The following MON1A variants were observed in gnomAD, a reference collection of about 807,000 sequenced individuals.
MON1A encodes MON1 vesicular trafficking associated A, also known as vacuolar fusion protein MON1 homolog A.
MON1A carries 29 observed loss-of-function variants against 44.6 expected under a neutral mutation model. The observed-to-expected ratio is 0.65, with a 90% CI of 0.48 to 0.89. The LOEUF is 0.89. Among genes scored for constraint, MON1A ranks in the 40% least tolerant of loss-of-function variants. MON1A has a pLI of 0.00. For missense variants in MON1A, 615 were observed against 759.6 expected (o/e 0.81, Z 2.24); for synonymous variants, 275 against 316.4 (o/e 0.87, Z 1.39).
Position 49,910,627 on chromosome 3 carries a change from C to G in MON1A, c.871G>C (p.Gly291Arg), listed in dbSNP as rs1195106404. The change falls in exon 4 of 6, where the codon GGG becomes CGG. Residue 291 changes from glycine to arginine, a missense_variant. By Grantham distance (125) the Gly-to-Arg change is moderately radical. Coordinates refer to ENST00000296473, the MANE Select transcript of MON1A (RefSeq NM_032355.4). This position sits in a 1 kb window ranked among gnomAD's most constrained non-coding sequence, Gnocchi z 8.0. ...GCCAGGGGCAGGCACCGTGCCGCCC[C>G]CATCAGGAAGCTGGGGTCTCGTGCC... ...LMARDPSFLMGAARCLPLAAA... is the reference protein window; with the variant it reads ...LMARDPSFLMRAARCLPLAAA... The G allele has an allele frequency of 2.5e-6, 4 of 1,603,198 alleles. No homozygotes were observed. Among genetic ancestry groups the G allele is most frequent in the Non-Finnish European group, 3.4e-6 (4 of 1,173,630 alleles).
intron 1 of MON1A, among the ~76,000 whole-genome samples, chr3:49,920,900 G>A (rs1301572391): frequency 1.3e-5 from 2 of 151,696 alleles, no homozygotes; most frequent in Admixed American, 6.6e-5. Context: ...GCTTACACCT[G>A]TAATCCTAGC....
At chr3:49,916,004 G>A (rs1266302124) in intron 1 of MON1A, 1 of 152,230 alleles carries the variant, frequency 6.6e-6, no homozygotes, top group African/African-American at 2.4e-5. Flanking sequence ...TAAGAAAGAG[G>A]GATCTAGCTG....
At chr3:49,926,019 T>C (rs978513709) in intron 1 of MON1A, among the ~76,000 whole-genome samples, 1 of 152,126 alleles carries the variant, frequency 6.6e-6, no homozygotes, top group Admixed American at 6.6e-5. Context: ...GGTCATGCAG[T>C]TCCTCTGCTC....
chr3:49,909,664 G>A lies in MON1A; in HGVS notation c.1380-264C>T, dbSNP rs1295145644. Reference sequence around the variant, plus strand: ...CCCCTCTTTGGAGAGGCCAGGTTGAGTTTAGATGTCCAAGACAGAGTGACA... The same window carrying A: ...CCCCTCTTTGGAGAGGCCAGGTTGAATTTAGATGTCCAAGACAGAGTGACA... On this transcript the variant is annotated intron_variant, in intron 4 of 5. Coordinates refer to ENST00000296473, the MANE Select transcript of MON1A (RefSeq NM_032355.4). The surrounding 1 kb of genome is among the most constrained non-coding windows in gnomAD (Gnocchi z 4.0). 8 of 488,194 alleles carry A rather than the reference G, an allele frequency of 1.6e-5. No individual in the cohort carries two copies. The highest frequency in any genetic ancestry group is 2.9e-5 in the Non-Finnish European group (8 of 273,762). The allele number at this position is 488,194 out of a possible 1,614,324, so 30.2% of individuals were successfully genotyped here.
At chr3:49,925,229 C>T (rs2083043466) in intron 1 of MON1A, among the ~76,000 whole-genome samples, 1 of 152,136 alleles carries the variant, frequency 6.6e-6, no homozygotes, top group Non-Finnish European at 1.5e-5. Context: ...ATCCTCCCAC[C>T]TCAGCCTCCC....
Position 49,911,448 on chromosome 3 carries a change from G to A in MON1A, c.613+78C>T. ...TCACACAGCACATCCCAGCCCTCTG[G>A]TCTGCAGGGGTCCAAAACCTGCTAT... On this transcript the variant is annotated intron_variant, in intron 3 of 5. Coordinates refer to ENST00000296473, the MANE Select transcript of MON1A (RefSeq NM_032355.4). This position sits in a 1 kb window ranked among gnomAD's most constrained non-coding sequence, Gnocchi z 5.7. 1 of 1,528,854 alleles carries A rather than the reference G, an allele frequency of 6.5e-7. No individual in the cohort carries two copies. The highest frequency in any genetic ancestry group is 8.8e-7 in the Non-Finnish European group (1 of 1,140,444). The allele number at this position is 1,528,854 out of a possible 1,614,324, so 94.7% of individuals were successfully genotyped here.
At chr3:49,914,884 T>G (rs1189200299) in intron 1 of MON1A, among the ~76,000 whole-genome samples, 1 of 152,158 alleles carries the variant, frequency 6.6e-6, no homozygotes, top group Non-Finnish European at 1.5e-5. Context: ...TCTTTTCATG[T>G]TGCCCTGGCT....
intron 1 of MON1A, among the ~76,000 whole-genome samples, chr3:49,922,133 G>A (rs1481802494): frequency 9.7e-6 from 1 of 103,014 alleles, no homozygotes; most frequent in East Asian, 2.4e-4. Context: ...GCAAAGCTCT[G>A]TCTCAAAAAA....
chr3:49,912,043 G>A, intron 2 of MON1A, 32 bp from the exon 3 acceptor site: 2 of 1,532,738 alleles, frequency 1.3e-6, no homozygotes, highest in South Asian at 1.3e-5. Context: ...GCTTAGAGGG[G>A]TAGCTAGTGG....
At chr3:49,915,358 T>G (rs1288411416) in intron 1 of MON1A, among the ~76,000 whole-genome samples, 1 of 152,104 alleles carries the variant, frequency 6.6e-6, no homozygotes, top group Non-Finnish European at 1.5e-5. Context: ...TGAGACCCTG[T>G]CTCTACAAAA....
intron 1 of MON1A, among the ~76,000 whole-genome samples, chr3:49,917,940 CAGG>C (rs1248102482): frequency 3.3e-5 from 5 of 152,098 alleles, no homozygotes; most frequent in African/African-American, 1.2e-4. Flanking sequence ...CCCAGCTACT[CAGG>C]AGGCTGAGGC....
rs1005277699 is a variant in MON1A at position 49,910,997 on chromosome 3, G to A, written c.614-113C>T. ...ATCCTTTCCTCGCTCAGAGCTCTGC[G>A]CACAGTAGGGGTTTAAGGATGTTCA... On this transcript the variant is annotated intron_variant, in intron 3 of 5. Transcript: ENST00000296473. This position sits in a 1 kb window ranked among gnomAD's most constrained non-coding sequence, Gnocchi z 8.0. 7 of 1,034,642 alleles carry A rather than the reference G, an allele frequency of 6.8e-6. No individual in the cohort carries two copies. Among genetic ancestry groups the A allele is most frequent in the Admixed American group, 2.7e-5 (1 of 36,818 alleles). The allele number at this position is 1,034,642 out of a possible 1,614,324, so 64.1% of individuals were successfully genotyped here.
intron 1 of MON1A, among the ~76,000 whole-genome samples, chr3:49,922,148 AAAG>A: frequency 1.3e-5 from 2 of 150,406 alleles, no homozygotes; most frequent in East Asian, 2.0e-4. Flanking sequence ...AAAAAAAAAA[AAAG>A]AAAGAAAGAA....
chr3:49,929,476 GA>G (rs2083076486), intron 1 of MON1A, 132 bp downstream of exon 1: 23 of 1,042,726 alleles, frequency 2.2e-5, no homozygotes, highest in Non-Finnish European at 3.3e-5. Context: ...GGACCGCAGG[GA>G]GACACAGTCT....
Position 49,913,337 on chromosome 3 carries a change from C to G in MON1A, c.10G>C (p.Asp4His). The change falls in exon 2 of 6, where the codon GAC becomes CAC. Residue 4 changes from aspartate to histidine, a missense_variant. Asp to His is a moderately conservative substitution (Grantham distance 81). Coordinates refer to ENST00000296473, the MANE Select transcript of MON1A (RefSeq NM_032355.4). ...TCGCTGCTTCTCTTCCTCTGCATGT[C>G]AGTAGCCATCCTTTGAGCTCTCCTG... MAT[D>H]MQRKRSSECL... 6.2e-7 allele frequency: 1 copy of G among 1,611,990 alleles called. No homozygotes were observed. The highest frequency in any genetic ancestry group is 8.5e-7 in the Non-Finnish European group (1 of 1,178,188).
In MON1A at chr3:49,911,644, C is replaced by T. The variant is rs201267199; in HGVS notation, c.495G>A (p.Gly165=). The part of the protein sequence containing the change: ...QKHVFVLSEA[G]KPVYSRYGSE... The stretch of plus-strand genomic sequence containing the variant: ...ACCCATAGCGGGAGTACACAGGCTT[C>T]CCTGCCTCACTCAGCACAAAGACAT... The change falls in exon 3 of 6, where the codon GGG becomes GGA. Residue 165 remains glycine, a synonymous_variant. Coordinates refer to ENST00000296473, the MANE Select transcript of MON1A (RefSeq NM_032355.4). The surrounding 1 kb of genome is among the most constrained non-coding windows in gnomAD (Gnocchi z 5.7). 1.9e-6 allele frequency: 3 copies of T among 1,614,050 alleles called. No homozygotes were observed. Among genetic ancestry groups the T allele is most frequent in the Non-Finnish European group, 2.5e-6 (3 of 1,179,992 alleles).
chr3:49,911,747 G>A lies in MON1A; in HGVS notation c.392C>T (p.Ala131Val), dbSNP rs1010014468. ...TGTGCCCTCCCTGGGGGGCTCTGTG[G>A]CTGGTCGCCCAACTGCCCCTGGGGG... ...LEPPGAVGRP[A>V]TEPPREGTTE... Residue 131 changes from alanine (A) to valine (V), a missense_variant, in exon 3 of 6, where the codon GCC becomes GTC. Coordinates refer to ENST00000296473, the MANE Select transcript of MON1A (RefSeq NM_032355.4). This position sits in a 1 kb window ranked among gnomAD's most constrained non-coding sequence, Gnocchi z 5.7. The A allele has an allele frequency of 6.2e-7, 1 of 1,613,560 alleles. No homozygotes were observed. The highest frequency in any genetic ancestry group is 8.5e-7 in the Non-Finnish European group (1 of 1,179,780).
intron 1 of MON1A, among the ~76,000 whole-genome samples, chr3:49,920,837 C>CAA (rs145653814): frequency 1.3e-4 from 17 of 130,368 alleles, no homozygotes; most frequent in East Asian, 4.7e-4. Flanking sequence ...GATTCTGCAT[C>CAA]AAAAAAAAAA....
At position 49,911,937 on chromosome 3, in the gene MON1A, C is replaced by T. The variant is rs139932981; in HGVS notation, c.202G>A (p.Ala68Thr). The T allele has an allele frequency of 3.1e-6, 5 of 1,613,358 alleles. No homozygotes were observed. The African/African-American group carries it at 4.0e-5, about 13-fold the overall frequency. ...CCCTCCTTGTGGCTGTCCCCAGAAGCTGCCCCATCCTCTGACTCAGTCAGG... is the reference window on the plus strand; with the variant it reads ...CCCTCCTTGTGGCTGTCCCCAGAAGTTGCCCCATCCTCTGACTCAGTCAGG... ...EDLTESEDGA[A>T]SGDSHKEGTR... The change falls in exon 3 of 6, where the codon GCT becomes ACT. Residue 68 changes from alanine to threonine, a missense_variant. Transcript: ENST00000296473. This position sits in a 1 kb window ranked among gnomAD's most constrained non-coding sequence, Gnocchi z 5.7.
Sources: gnomAD v4.1 joint callset for allele counts (sites outside exome capture counted in the v4.1 genomes callset) on GRCh38, gnomAD v4.1.1 for gene constraint, Gnocchi (gnomAD v3.1) non-coding constraint, MANE v1.5 for transcripts, NCBI Gene and HGNC (gene_info 2026-07-23, HGNC 2026-07-21) for gene names.